The following ZHX3 variants were observed in gnomAD, a reference collection of about 807,000 sequenced individuals.
The protein encoded by ZHX3 is zinc fingers and homeoboxes protein 3.
A neutral mutation model predicts 64.5 loss-of-function variants in ZHX3; 20 were observed. That is an observed-to-expected ratio of 0.31 (90% CI 0.22 to 0.45). The LOEUF is 0.45. ZHX3 is among the 20% of genes least tolerant of loss of function. The pLI is 1.00. For missense variants in ZHX3, 1,041 were observed against 1,195.8 expected (o/e 0.87, Z 1.91); for synonymous variants, 423 against 461.6 (o/e 0.92, Z 1.07).
chr20:41,202,066 G>A lies in ZHX3; in HGVS notation c.2851C>T (p.Arg951Cys), dbSNP rs776312439. 3.1e-6 allele frequency: 5 copies of A among 1,597,040 alleles called. No individual in the cohort carries two copies. The highest frequency in any genetic ancestry group is 1.1e-5 in the South Asian group (1 of 88,358). Residue 951 changes from arginine to cysteine, a missense_variant, in exon 3 of 4, where the codon CGT becomes TGT. Around this residue, in one of 4 missense-constraint regions of ZHX3, gnomAD observed 649 missense variants for 739.8 expected, o/e 0.88. Coordinates refer to ENST00000683867, the MANE Select transcript of ZHX3 (RefSeq NM_001384317.1). The surrounding 1 kb of genome is among the most constrained non-coding windows in gnomAD (Gnocchi z 7.0). Reference sequence around the variant, plus strand: ...CCTGTGGACTCCTTACCGAGCTGACGTCCAGCCTGGGGACTCGATGTGTCA... The same window carrying A: ...CCTGTGGACTCCTTACCGAGCTGACATCCAGCCTGGGGACTCGATGTGTCA... ...PFDTSSPQAG[R>C]QLETD is the part of the protein sequence containing the mutation.
chr20:41,202,252 C>G lies in ZHX3; in HGVS notation c.2665G>C (p.Glu889Gln), dbSNP rs754162803. The G allele has an allele frequency of 6.2e-7, 1 of 1,614,022 alleles. No individual in the cohort carries two copies. The highest frequency in any genetic ancestry group is 1.3e-5 in the African/African-American group (1 of 74,908). The change falls in exon 3 of 4, where the codon GAG becomes CAG. Residue 889 changes from glutamate (E) to glutamine (Q), a missense_variant. Transcript: ENST00000683867. The surrounding 1 kb of genome is among the most constrained non-coding windows in gnomAD (Gnocchi z 7.0). The stretch of plus-strand genomic sequence containing the variant: ...GTGTCTGCCACGGCTCTGGTCTCCT[C>G]CCCCATTTTCTCAGCAAACCACTGC... ...VKQWFAEKMGEETRAVADTGS... is the reference protein window; with the variant it reads ...VKQWFAEKMGQETRAVADTGS...
intron 2 of ZHX3, among the ~76,000 whole-genome samples, chr20:41,264,960 C>T (rs761315542): frequency 1.3e-5 from 2 of 151,804 alleles, no homozygotes; most frequent in Non-Finnish European, 2.9e-5. Context: ...TTTATTGAAC[C>T]AAATGTCAAT....
chr20:41,278,711 T>C lies in ZHX3; in HGVS notation c.-244-9628A>G, dbSNP rs1713415456. Among the ~76,000 whole-genome samples, 2 of 141,528 alleles carry C rather than the reference T, an allele frequency of 1.4e-5. 1 individual carries two copies. The highest frequency in any genetic ancestry group is 1.4e-4 in the Admixed American group (2 of 14,192). The allele number at this position is 141,528 out of a possible 152,430, so 92.8% of individuals were successfully genotyped here. A position where few individuals can be genotyped will look rare whatever the true frequency, so the allele number is the denominator to read the frequency against. On this transcript the variant is annotated intron_variant, in intron 1 of 3. Transcript: ENST00000683867. ...AGTATAAGACTATAGAGGAAAAAATTCACATAATTCAAATCATAGAAACAA... is the reference window on the plus strand; with the variant it reads ...AGTATAAGACTATAGAGGAAAAAATCCACATAATTCAAATCATAGAAACAA...
chr20:41,259,895 T>A (rs2042469486), intron 2 of ZHX3, among the ~76,000 whole-genome samples: 1 of 152,178 alleles, frequency 6.6e-6, no homozygotes, highest in South Asian at 2.1e-4. Flanking sequence ...ACCCTCTTCA[T>A]AGGCAACAAC....
chr20:41,253,587 G>A (rs2042095274), intron 2 of ZHX3, among the ~76,000 whole-genome samples: 1 of 152,096 alleles, frequency 6.6e-6, no homozygotes, highest in African/African-American at 2.4e-5. Context: ...GCACTGACTG[G>A]GAAGGGACAT....
chr20:41,279,104 A>G (rs2043538150), intron 1 of ZHX3, among the ~76,000 whole-genome samples: 1 of 152,144 alleles, frequency 6.6e-6, no homozygotes, highest in African/African-American at 2.4e-5. Flanking sequence ...CTTTGTAAAT[A>G]AACTATTGTC....
intron 2 of ZHX3, among the ~76,000 whole-genome samples, chr20:41,264,385 CAAAAAAAAAA>C (rs1165922837): frequency 0.028 from 2,071 of 74,512 alleles, 34 homozygotes; most frequent in Non-Finnish European, 0.034. Flanking sequence ...ACCAAAAATA[CAAAAAAAAAA>C]AAAAAAAAAA....
At chr20:41,302,660 T>G (rs1481591736) in intron 1 of ZHX3, among the ~76,000 whole-genome samples, 1 of 152,248 alleles carries the variant, frequency 6.6e-6, no homozygotes, top group Non-Finnish European at 1.5e-5. Flanking sequence ...CACTAGCTCC[T>G]ATCCTAGGCC....
chr20:41,186,955 A>G (rs182061592), intron 3 of ZHX3, among the ~76,000 whole-genome samples: 1 of 152,324 alleles, frequency 6.6e-6, no homozygotes, highest in East Asian at 1.9e-4. Flanking sequence ...TTTGAAACAC[A>G]AAAGTTTTAG....
At chr20:41,223,111 T>C (rs1160529574) in intron 2 of ZHX3, among the ~76,000 whole-genome samples, 2 of 152,184 alleles carry the variant, frequency 1.3e-5, no homozygotes, top group African/African-American at 2.4e-5. Context: ...AAAATTACTC[T>C]GATTATTTTT....
chr20:41,242,247 G>T (rs1279620317), intron 2 of ZHX3, among the ~76,000 whole-genome samples: 6 of 152,134 alleles, frequency 3.9e-5, no homozygotes, highest in South Asian at 2.1e-4. Flanking sequence ...ATATCAACTT[G>T]ATTTTCCAAA....
chr20:41,182,237 T>C lies in ZHX3; in HGVS notation c.*2954A>G, dbSNP rs1866345960. Reference sequence around the variant, plus strand: ...GCAACAAAAAAACACTAAAAGATGATTTTACTATCTCTGACGAGTCCAACT... The same window carrying C: ...GCAACAAAAAAACACTAAAAGATGACTTTACTATCTCTGACGAGTCCAACT... On this transcript the variant is annotated 3_prime_UTR_variant, in exon 4 of 4. Coordinates refer to ENST00000683867, the MANE Select transcript of ZHX3 (RefSeq NM_001384317.1). The surrounding 1 kb of genome is among the most constrained non-coding windows in gnomAD (Gnocchi z 6.1). 6.6e-6 allele frequency: 1 copy of C among 152,130 alleles called. No individual in the cohort carries two copies. Among genetic ancestry groups the C allele is most frequent in the Admixed American group, 6.5e-5 (1 of 15,278 alleles). The allele number at this position is 152,130 out of a possible 1,614,324, so 9.4% of individuals were successfully genotyped here.
At position 41,207,333 on chromosome 20, in the gene ZHX3, A is replaced by C. The variant is rs1190298717; in HGVS notation, c.-150-2267T>G. Among the ~76,000 whole-genome samples the C allele has an allele frequency of 3.9e-5, 6 of 152,152 alleles. No homozygotes were observed. The East Asian group carries it at 1.2e-3, about 29-fold the overall frequency. ...CCTTAAATGTAAATGGGCTAAATGC[A>C]CCAAGCAGACCTAACTGACATCTAC... On this transcript the variant is annotated intron_variant, in intron 2 of 3. Transcript: ENST00000683867.
At chr20:41,205,216 A>G (rs906850418) in intron 2 of ZHX3, 150 bp from the exon 3 acceptor site, 3 of 306,640 alleles carry the variant, frequency 9.8e-6, no homozygotes, top group Non-Finnish European at 1.2e-5. Flanking sequence ...AGTCTAAGTT[A>G]GGAACCCCCT....
Position 41,232,255 on chromosome 20 carries a change from A to C in ZHX3, c.-150-27189T>G, listed in dbSNP as rs1445226427. Among the ~76,000 whole-genome samples, 1 of 152,160 alleles carries C rather than the reference A, an allele frequency of 6.6e-6. No homozygotes were observed. The highest frequency in any genetic ancestry group is 6.5e-5 in the Admixed American group (1 of 15,270). On this transcript the variant is annotated intron_variant, in intron 2 of 3. Coordinates refer to ENST00000683867, the MANE Select transcript of ZHX3 (RefSeq NM_001384317.1). This position sits in a 1 kb window ranked among gnomAD's most constrained non-coding sequence, Gnocchi z 5.0. ...ACCAGATGGTCTCCATTTTCACCAGAGAAAGAATATTGAAAATGGACTTAC... is the reference window on the plus strand; with the variant it reads ...ACCAGATGGTCTCCATTTTCACCAGCGAAAGAATATTGAAAATGGACTTAC...
At chr20:41,270,765 T>C (rs760427272) in intron 1 of ZHX3, among the ~76,000 whole-genome samples, 1 of 152,168 alleles carries the variant, frequency 6.6e-6, no homozygotes, top group Non-Finnish European at 1.5e-5. Context: ...AGCTACAGTC[T>C]CATCCATCTA....
At chr20:41,221,510 G>C (rs1051371078) in intron 2 of ZHX3, among the ~76,000 whole-genome samples, 7 of 151,348 alleles carry the variant, frequency 4.6e-5, no homozygotes, top group African/African-American at 1.7e-4. Context: ...ATATGGGGAA[G>C]ACAAAAAAAA....
intron 2 of ZHX3, among the ~76,000 whole-genome samples, chr20:41,238,099 T>C (rs189252806): frequency 5.3e-5 from 8 of 152,346 alleles, no homozygotes; most frequent in African/African-American, 1.9e-4. Flanking sequence ...GCTTGCTTAC[T>C]ACCAAAAACC....
rs567743729 is a variant in ZHX3, at chr20:41,291,663, T to C, written c.-244-22580A>G. ...CATACATGTATGACACACGTGTTTG[T>C]GTATGCATATGTATACACACACAGA... On this transcript the variant is annotated intron_variant, in intron 1 of 3. Coordinates refer to ENST00000683867, the MANE Select transcript of ZHX3 (RefSeq NM_001384317.1). Among the ~76,000 whole-genome samples, 86 of 152,174 alleles carry C rather than the reference T, an allele frequency of 5.7e-4. 5 individuals carry two copies. The South Asian group carries it at 0.017, about 31-fold the overall frequency.
Sources: gnomAD v4.1 joint callset for allele counts (sites outside exome capture counted in the v4.1 genomes callset) on GRCh38, gnomAD v4.1.1 for gene constraint, gnomAD v4.1.1 regional missense constraint, Gnocchi (gnomAD v3.1) non-coding constraint, MANE v1.5 for transcripts, NCBI Gene and HGNC (gene_info 2026-07-23, HGNC 2026-07-21) for gene names.